The following LARP6 variants were observed in gnomAD, a reference collection of about 807,000 sequenced individuals.
The protein encoded by LARP6 is La ribonucleoprotein 6, translational regulator.
Under a neutral mutation model 32.8 loss-of-function variants are expected in LARP6, and 18 were observed. That is an observed-to-expected ratio of 0.55 (90% CI 0.38 to 0.81). The LOEUF is 0.81. LARP6 is among the 40% of genes least tolerant of loss of function. The pLI, the probability that LARP6 is intolerant of heterozygous loss-of-function variation, is 0.00. For synonymous variants in LARP6, 289 were observed against 267.2 expected (o/e 1.08, Z -0.80); for missense variants, 598 against 663.1 (o/e 0.90, Z 1.08).
chr15:70,853,268 T>G (rs2032532983), intron 1 of LARP6: 2 of 120,880 alleles, frequency 1.7e-5, no homozygotes, highest in East Asian at 2.8e-4. Context: ...AAAGGTCTGG[T>G]GGGAAAGGCT....
chr15:70,845,527 G>A (rs2032329915), intron 1 of LARP6, among the ~76,000 whole-genome samples: 1 of 152,212 alleles, frequency 6.6e-6, no homozygotes, highest in Admixed American at 6.5e-5. Flanking sequence ...AATGATCACT[G>A]TGGATGCTAA....
At chr15:70,846,542 G>A (rs1441641998) in intron 1 of LARP6, among the ~76,000 whole-genome samples, 1 of 152,124 alleles carries the variant, frequency 6.6e-6, no homozygotes, top group South Asian at 2.1e-4. Flanking sequence ...CCAGGAGGTC[G>A]AGGCTACAGT....
At position 70,851,600 on chromosome 15, in the gene LARP6, T is replaced by C. The variant is rs758731247; in HGVS notation, c.200+2289A>G. 19 of 1,599,838 alleles carry C rather than the reference T, an allele frequency of 1.2e-5. No individual in the cohort carries two copies. In the South Asian group the frequency reaches 2.1e-4, roughly 18 times the overall value. ...AAATATCTCAACACCATTGAGTGAG[T>C]GTGATGATAGAGATACGCATTCAGT... On this transcript the variant is annotated intron_variant, in intron 1 of 2. Transcript: ENST00000299213.
intron 1 of LARP6, chr15:70,851,779 A>G (rs1595957573): frequency 1.2e-6 from 2 of 1,609,306 alleles, no homozygotes; most frequent in East Asian, 4.5e-5. Context: ...CATAAAATGT[A>G]CAGAGTACTA....
intron 1 of LARP6, chr15:70,848,943 A>G (rs913653285): frequency 6.6e-6 from 1 of 152,270 alleles, no homozygotes; most frequent in Non-Finnish European, 1.5e-5. Flanking sequence ...CAAAGAAAAT[A>G]AGTAATTATG....
chr15:70,838,952 C>T (rs1359470410), intron 1 of LARP6, among the ~76,000 whole-genome samples: 1 of 146,782 alleles, frequency 6.8e-6, no homozygotes, highest in African/African-American at 2.5e-5. Flanking sequence ...GTGGAATACT[C>T]AAAATGAGGG....
intron 1 of LARP6, among the ~76,000 whole-genome samples, chr15:70,844,643 T>G (rs2032316178): frequency 6.6e-6 from 1 of 152,226 alleles, no homozygotes; most frequent in Non-Finnish European, 1.5e-5. Context: ...GTCCTCTATG[T>G]TTATTTTTTC....
intron 1 of LARP6, among the ~76,000 whole-genome samples, chr15:70,840,366 C>T (rs994052375): frequency 6.6e-6 from 1 of 152,080 alleles, no homozygotes; most frequent in Admixed American, 6.5e-5. Flanking sequence ...ATGGTGAAAC[C>T]CCATCTCTAC....
rs371562863 is a variant in LARP6, at chr15:70,832,739, G to A, written c.789C>T (p.Phe263=). 4.7e-5 allele frequency: 75 copies of A among 1,596,356 alleles called. No homozygotes were observed. The highest frequency in any genetic ancestry group is 1.7e-4 in the Middle Eastern group (1 of 5,948). The change falls in exon 3 of 3, where the codon TTC becomes TTT. Residue 263 remains phenylalanine (F), a synonymous_variant. Transcript: ENST00000299213. ...CTTTGATGGCTGCTTCCACCTCCTC[G>A]AACTCCACGATGGCGCACTCCTGGG... is the stretch of plus-strand genomic sequence containing the variant. ...VGTQECAIVE[F]EEVEAAIKAH... is the part of the protein sequence containing the mutation.
rs2032020472 is a variant in LARP6 at position 70,830,474 on chromosome 15, A to G, written c.*1578T>C. On this transcript the variant is annotated 3_prime_UTR_variant, in exon 3 of 3. Coordinates refer to ENST00000299213, the MANE Select transcript of LARP6 (RefSeq NM_018357.4). Reference sequence around the variant, plus strand: ...GGTGGATTCTTTTTTGAATATGGATAGTAAAGATCAGAAATGTTGAGTACC... The same window carrying G: ...GGTGGATTCTTTTTTGAATATGGATGGTAAAGATCAGAAATGTTGAGTACC... The G allele has an allele frequency of 6.6e-6, 1 of 152,228 alleles. No homozygotes were observed. The highest frequency in any genetic ancestry group is 1.5e-5 in the Non-Finnish European group (1 of 68,044). 9.4% of individuals were successfully genotyped at this position (152,228 alleles called of 1,614,324 possible).
At chr15:70,833,155 TC>T (rs2032087331) in intron 2 of LARP6, 39 bp from the exon 3 acceptor site, 1 of 1,523,960 alleles carries the variant, frequency 6.6e-7, no homozygotes. Flanking sequence ...GTATCTAATG[TC>T]CTTGTCCATC....
intron 1 of LARP6, among the ~76,000 whole-genome samples, chr15:70,842,462 C>A (rs369950910): frequency 2.0e-5 from 3 of 152,180 alleles, no homozygotes; most frequent in African/African-American, 7.2e-5. Context: ...ATCTACCCCC[C>A]AGCCTGTCCA....
chr15:70,839,452 A>T (rs1446192903), intron 1 of LARP6, among the ~76,000 whole-genome samples: 1 of 144,210 alleles, frequency 6.9e-6, no homozygotes, highest in African/African-American at 2.5e-5. Flanking sequence ...AAAAAAAAAA[A>T]ATGTATAGTG....
Position 70,831,989 on chromosome 15 carries a change from TTTGTC to T in LARP6, c.*58_*62del. 1 of 1,171,354 alleles carries T rather than the reference TTTGTC, an allele frequency of 8.5e-7. No homozygotes were observed. Among genetic ancestry groups the T allele is most frequent in the South Asian group, 1.9e-5 (1 of 53,178 alleles). The allele number at this position is 1,171,354 out of a possible 1,614,324, so 72.6% of individuals were successfully genotyped here. On this transcript the variant is annotated 3_prime_UTR_variant, in exon 3 of 3. Transcript: ENST00000299213. ...GAATTCCATTCTGTCATGCCAGGTG[TTTGTC>T]AGAACCTTGAAAACGAAGGTGGTTT... is the stretch of plus-strand genomic sequence containing the variant.
intron 1 of LARP6, among the ~76,000 whole-genome samples, chr15:70,839,960 T>C (rs978182302): frequency 1.3e-5 from 2 of 151,400 alleles, no homozygotes; most frequent in African/African-American, 2.5e-5. Flanking sequence ...CCTGACATGA[T>C]TGAGTTGTTG....
rs1420592107 is a variant in LARP6, at chr15:70,832,595, A to G, written c.933T>C (p.Thr311=). 1.1e-5 allele frequency: 17 copies of G among 1,598,396 alleles called. No homozygotes were observed. Among genetic ancestry groups the G allele is most frequent in the Admixed American group, 7.0e-5 (4 of 57,306 alleles). Residue 311 remains threonine, a synonymous_variant, in exon 3 of 3, where the codon ACT becomes ACC. Coordinates refer to ENST00000299213, the MANE Select transcript of LARP6 (RefSeq NM_018357.4). ...AKDKNHDEEP[T]ASIHLNKSLN... is the part of the protein sequence containing the mutation. ...GGGACTTGTTCAGGTGGATGCTCGC[A>G]GTGGGCTCCTCGTCATGATTTTTGT...
intron 1 of LARP6, among the ~76,000 whole-genome samples, chr15:70,843,959 TTTTC>T (rs2032304004): frequency 6.7e-6 from 1 of 148,342 alleles, no homozygotes; most frequent in Admixed American, 6.7e-5. Flanking sequence ...CCCGACCTTT[TTTTC>T]TTTTTTTTTT....
chr15:70,853,562 A>C, intron 1 of LARP6: 2 of 200,610 alleles, frequency 1.0e-5, no homozygotes. Flanking sequence ...CCCACAGAGA[A>C]GAGGCCTCCT....
At chr15:70,852,182 C>T (rs1220889918) in intron 1 of LARP6, 1 of 407,298 alleles carries the variant, frequency 2.5e-6, no homozygotes, top group Admixed American at 2.8e-5. Flanking sequence ...TTGGCTACAT[C>T]TCCTCCTGCT....
Sources: allele counts gnomAD v4.1 joint callset (sites outside exome capture counted in the v4.1 genomes callset), GRCh38; gene constraint gnomAD v4.1.1; transcripts MANE v1.5; gene names NCBI Gene and HGNC (gene_info 2026-07-23, HGNC 2026-07-21).